ANO10: variants seen among roughly 807,000 people sequenced by gnomAD.
ANO10 encodes anoctamin 10, also known as anoctamin-10.
Under a neutral mutation model 74.7 loss-of-function variants are expected in ANO10, and 77 were observed. The ratio of observed to expected loss-of-function variants is 1.03; its 90% CI spans 0.86 to 1.25. ANO10 has a LOEUF of 1.25. Ranked by LOEUF, ANO10 falls within the 50% of genes most tolerant of loss-of-function variation. The pLI, the probability that ANO10 is intolerant of heterozygous loss-of-function variation, is 0.00. For synonymous variants in ANO10, 279 were observed against 284.9 expected, an observed-to-expected ratio of 0.98 and a Z score of 0.21; for missense variants, 721 against 778.1, an observed-to-expected ratio of 0.93 and a Z score of 0.87.
intron 12 of ANO10, among the ~76,000 whole-genome samples, chr3:43,390,716 G>C (rs2092254616): frequency 6.6e-6 from 1 of 152,206 alleles, no homozygotes. Context: ...ACCACAAACA[G>C]ATCTTTGAGG....
chr3:43,450,328 G>A (rs1189333473), intron 11 of ANO10, among the ~76,000 whole-genome samples: 1 of 152,046 alleles, frequency 6.6e-6, no homozygotes, highest in Non-Finnish European at 1.5e-5. Flanking sequence ...AAGACCTGAG[G>A]TCAGGAGTTT....
intron 11 of ANO10, among the ~76,000 whole-genome samples, chr3:43,494,587 G>C (rs1260086112): frequency 6.6e-6 from 1 of 152,150 alleles, no homozygotes; most frequent in Non-Finnish European, 1.5e-5. Context: ...TAATAAGAGT[G>C]CTTAGTAGTT....
intron 1 of ANO10, among the ~76,000 whole-genome samples, chr3:43,669,283 T>C (rs1169552592): frequency 1.3e-5 from 2 of 152,172 alleles, no homozygotes; most frequent in African/African-American, 4.8e-5. Flanking sequence ...TGCAAAATGG[T>C]TCCTTTTCCC....
At chr3:43,554,235 C>T (rs2079626387) in intron 10 of ANO10, among the ~76,000 whole-genome samples, 1 of 150,194 alleles carries the variant, frequency 6.7e-6, no homozygotes, top group Admixed American at 6.6e-5. Context: ...GCTCTGTCAC[C>T]CAGGCTGGAG....
intron 2 of ANO10, among the ~76,000 whole-genome samples, chr3:43,601,165 C>A (rs1455096325): frequency 1.3e-5 from 2 of 152,064 alleles, no homozygotes; most frequent in Admixed American, 6.6e-5. Context: ...ATAATTATTA[C>A]TTAAAAGATT....
intron 11 of ANO10, among the ~76,000 whole-genome samples, chr3:43,442,388 T>C (rs934328236): frequency 2.6e-5 from 4 of 151,982 alleles, no homozygotes; most frequent in African/African-American, 9.7e-5. Flanking sequence ...ATACTAACAA[T>C]GAACAATTTG....
chr3:43,690,388 G>T (rs1010029583), intron 1 of ANO10: 1 of 152,368 alleles, frequency 6.6e-6, no homozygotes, highest in African/African-American at 2.4e-5. Context: ...CAGGTATCTA[G>T]AGAGTCGAGT....
chr3:43,480,707 A>C lies in ANO10; in HGVS notation c.1798-47980T>G, dbSNP rs181990311. ...GACAGAAACCCTGCAGCCAGTCTGG[A>C]GGTGAACTGCCCAAATGGGAAGGGA... On this transcript the variant is annotated intron_variant, in intron 11 of 12. Coordinates refer to ENST00000292246, the MANE Select transcript of ANO10 (RefSeq NM_018075.5). Among the ~76,000 whole-genome samples, 1,316 of 152,316 alleles carry C rather than the reference A, an allele frequency of 8.6e-3. 12 individuals are homozygous for C. Among genetic ancestry groups the C allele is most frequent in the Non-Finnish European group, 0.014 (928 of 68,022 alleles).
intron 1 of ANO10, among the ~76,000 whole-genome samples, chr3:43,642,669 T>C (rs559196763): frequency 6.6e-6 from 1 of 152,318 alleles, no homozygotes; most frequent in South Asian, 2.1e-4. Context: ...CTCCCTTCAC[T>C]TCATTCCCCC....
chr3:43,549,550 A>G (rs1575402135), intron 11 of ANO10, among the ~76,000 whole-genome samples, 170 bp downstream of exon 11: 2 of 152,300 alleles, frequency 1.3e-5, no homozygotes, highest in East Asian at 3.9e-4. Context: ...AATAACCATG[A>G]ATACACAGCC....
intron 4 of ANO10, among the ~76,000 whole-genome samples, chr3:43,596,962 C>T (rs1215678375): frequency 1.3e-5 from 2 of 152,144 alleles, no homozygotes; most frequent in Admixed American, 6.5e-5. Context: ...AGGATATGAA[C>T]AGACATTTCT....
Position 43,432,944 on chromosome 3 carries a change from C to CTTTTTTTTTTTTTTTTTTTTT in ANO10, c.1798-238_1798-218dup, listed in dbSNP as rs5848663. Among the ~76,000 whole-genome samples the CTTTTTTTTTTTTTTTTTTTTT allele has an allele frequency of 1.4e-3, 76 of 55,282 alleles. 13 individuals are homozygous for CTTTTTTTTTTTTTTTTTTTTT. Among genetic ancestry groups the CTTTTTTTTTTTTTTTTTTTTT allele is most frequent in the Non-Finnish European group, 2.0e-3 (59 of 30,052 alleles). 36.3% of individuals were successfully genotyped at this position (55,282 alleles called of 152,430 possible). On this transcript the variant is annotated intron_variant, in intron 11 of 12. Transcript: ENST00000292246. ...CAGTAATTACTGACTTTGCTTAATT[C>CTTTTTTTTTTTTTTTTTTTTT]TTTTTTTTTTTTTTTTTTTTTTTTT...
intron 12 of ANO10, among the ~76,000 whole-genome samples, chr3:43,425,311 G>A (rs888734567): frequency 1.3e-5 from 2 of 150,008 alleles, no homozygotes; most frequent in African/African-American, 4.9e-5. Context: ...TTACAGACAT[G>A]AGCCACTGTG....
chr3:43,682,871 A>C (rs1316605781), intron 1 of ANO10, among the ~76,000 whole-genome samples: 1 of 152,198 alleles, frequency 6.6e-6, no homozygotes, highest in Admixed American at 6.5e-5. Flanking sequence ...CCTTTGACAA[A>C]ATTCAACAAC....
chr3:43,474,604 G>A (rs2075997040), intron 11 of ANO10, among the ~76,000 whole-genome samples: 1 of 152,054 alleles, frequency 6.6e-6, no homozygotes, highest in Admixed American at 6.5e-5. Context: ...AACAAACACT[G>A]TTTAAAAAGA....
chr3:43,501,859 T>C (rs1037966206), intron 11 of ANO10, among the ~76,000 whole-genome samples: 1 of 152,222 alleles, frequency 6.6e-6, no homozygotes, highest in Non-Finnish European at 1.5e-5. Context: ...CAAAATGATC[T>C]GTCTCCAATT....
At chr3:43,405,339 C>T (rs1384285941) in intron 12 of ANO10, among the ~76,000 whole-genome samples, 1 of 152,142 alleles carries the variant, frequency 6.6e-6, no homozygotes, top group Non-Finnish European at 1.5e-5. Flanking sequence ...AAGCAGTCCA[C>T]GGGGAGGAGG....
chr3:43,428,796 C>CAAAAAATAAAAAA (rs2092936727), intron 12 of ANO10, among the ~76,000 whole-genome samples: 1 of 55,422 alleles, frequency 1.8e-5, no homozygotes, highest in Non-Finnish European at 3.2e-5. Context: ...TTTGTGAATG[C>CAAAAAATAAAAAA]AAAAAAAAAA....
At chr3:43,542,740 A>G (rs2079010984) in intron 11 of ANO10, among the ~76,000 whole-genome samples, 1 of 152,210 alleles carries the variant, frequency 6.6e-6, no homozygotes, top group African/African-American at 2.4e-5. Context: ...CTGCTTAACC[A>G]AATAATCATG....
Sources: gnomAD v4.1 joint callset for allele counts (sites outside exome capture counted in the v4.1 genomes callset) on GRCh38, gnomAD v4.1.1 for gene constraint, MANE v1.5 for transcripts, NCBI Gene and HGNC (gene_info 2026-07-23, HGNC 2026-07-21) for gene names.